The following WNT2 variants were observed in gnomAD, a reference collection of about 807,000 sequenced individuals.
WNT2 encodes the protein protein Wnt-2.
WNT2 carries 12 observed loss-of-function variants against 36.9 expected under a neutral mutation model. The ratio of observed to expected loss-of-function variants is 0.33; its 90% CI spans 0.21 to 0.53. The LOEUF (loss-of-function observed/expected upper bound fraction) is 0.53. WNT2 is among the 20% of genes least tolerant of loss of function. WNT2 has a pLI of 0.95. For synonymous variants in WNT2, 163 were observed against 174.6 expected, an observed-to-expected ratio of 0.93 and a Z score of 0.52; for missense variants, 379 against 473.1, an observed-to-expected ratio of 0.80 and a Z score of 1.84.
intron 4 of WNT2, among the ~76,000 whole-genome samples, chr7:117,296,165 A>T (rs1794786014): frequency 6.6e-6 from 1 of 152,190 alleles, no homozygotes; most frequent in African/African-American, 2.4e-5. Context: ...GTATCCAAGC[A>T]CAGGTTTCAT....
At chr7:117,309,749 A>T (rs759961624) in intron 3 of WNT2, among the ~76,000 whole-genome samples, 1 of 152,208 alleles carries the variant, frequency 6.6e-6, no homozygotes, top group Non-Finnish European at 1.5e-5. Context: ...AAGAACTCCT[A>T]AACTAAGAGC....
intron 4 of WNT2, among the ~76,000 whole-genome samples, chr7:117,288,261 AATTC>A (rs1262970592): frequency 2.0e-5 from 3 of 152,234 alleles, no homozygotes; most frequent in Non-Finnish European, 2.9e-5. Context: ...CTTAATAATT[AATTC>A]ATTCACTTAC....
Position 117,284,502 on chromosome 7 carries a change from G to C in WNT2, c.854-6118C>G, listed in dbSNP as rs1254746703. Among the ~76,000 whole-genome samples, 1 of 152,114 alleles carries C rather than the reference G, an allele frequency of 6.6e-6. No individual in the cohort carries two copies. The highest frequency in any genetic ancestry group is 1.5e-5 in the Non-Finnish European group (1 of 68,022). The stretch of plus-strand genomic sequence containing the variant: ...CTTGTTAACTGAGTCACTCACCCTT[G>C]CTTGGGCCACAACAGGAACCACTGG... On this transcript the variant is annotated intron_variant, in intron 4 of 4. Coordinates refer to ENST00000265441, the MANE Select transcript of WNT2 (RefSeq NM_003391.3). This position sits in a 1 kb window ranked among gnomAD's most constrained non-coding sequence, Gnocchi z 5.2.
At chr7:117,306,032 C>T (rs752742033) in intron 3 of WNT2, among the ~76,000 whole-genome samples, 64 of 152,212 alleles carry the variant, frequency 4.2e-4, no homozygotes, top group Non-Finnish European at 8.1e-4. Context: ...ATTCTCAGGG[C>T]TTCTTCCCTC....
intron 4 of WNT2, among the ~76,000 whole-genome samples, chr7:117,297,409 A>C (rs528006479): frequency 6.6e-6 from 1 of 152,062 alleles, no homozygotes; most frequent in Non-Finnish European, 1.5e-5. Flanking sequence ...AGCTCAAGCA[A>C]TCTGCCCATT....
At chr7:117,301,746 T>C (rs916356916) in intron 3 of WNT2, among the ~76,000 whole-genome samples, 1 of 152,162 alleles carries the variant, frequency 6.6e-6, no homozygotes, top group African/African-American at 2.4e-5. Flanking sequence ...CACATTGTGA[T>C]TTTGAATTAT....
At chr7:117,287,892 G>A (rs1212181137) in intron 4 of WNT2, among the ~76,000 whole-genome samples, 3 of 152,156 alleles carry the variant, frequency 2.0e-5, no homozygotes, top group African/African-American at 7.2e-5. Context: ...GGAGGCTGAG[G>A]CAGGAGAATC....
chr7:117,304,093 G>A (rs1237756785), intron 3 of WNT2, among the ~76,000 whole-genome samples: 1 of 152,150 alleles, frequency 6.6e-6, no homozygotes, highest in African/African-American at 2.4e-5. Context: ...CTCCTTTAAC[G>A]TGGACGCATT....
intron 3 of WNT2, among the ~76,000 whole-genome samples, chr7:117,311,025 A>G (rs1795111242): frequency 6.6e-6 from 1 of 152,184 alleles, no homozygotes; most frequent in Non-Finnish European, 1.5e-5. Flanking sequence ...CCTTTCCCAA[A>G]GTAATTCCTT....
chr7:117,304,328 G>A (rs531448755), intron 3 of WNT2, among the ~76,000 whole-genome samples: 46 of 152,030 alleles, frequency 3.0e-4, no homozygotes, highest in Admixed American at 1.7e-3. Flanking sequence ...CCCTATGAAA[G>A]CTCCCAGAAT....
intron 3 of WNT2, among the ~76,000 whole-genome samples, chr7:117,298,350 T>G (rs968854752): frequency 6.6e-6 from 1 of 152,116 alleles, no homozygotes; most frequent in Non-Finnish European, 1.5e-5. Context: ...TCAGGGTAAT[T>G]GTACTATAGC....
intron 4 of WNT2, among the ~76,000 whole-genome samples, chr7:117,289,011 G>A (rs10487362): frequency 0.12 from 17,743 of 149,838 alleles, 1,728 homozygotes; most frequent in East Asian, 0.43. Context: ...CCAGTTAAAA[G>A]CGATAGATAT....
At chr7:117,282,414 CAAG>C (rs776681300) in intron 4 of WNT2, among the ~76,000 whole-genome samples, 405 of 95,002 alleles carry the variant, frequency 4.3e-3, no homozygotes, top group Middle Eastern at 7.5e-3. Context: ...AGGAGGAAGA[CAAG>C]GAGGAGGAAG....
intron 2 of WNT2, among the ~76,000 whole-genome samples, chr7:117,315,871 C>T (rs557696074): frequency 1.5e-3 from 227 of 152,300 alleles, no homozygotes; most frequent in African/African-American, 5.1e-3. Flanking sequence ...ATACTGAATT[C>T]AAAGAAATCT....
Position 117,277,444 on chromosome 7 carries a change from T to C in WNT2, c.*711A>G, listed in dbSNP as rs1794400109. The C allele has an allele frequency of 6.6e-6, 1 of 152,244 alleles. No individual in the cohort carries two copies. The allele number at this position is 152,244 out of a possible 1,614,324, so 9.4% of individuals were successfully genotyped here. A position where few individuals can be genotyped will look rare whatever the true frequency, so the allele number is the denominator to read the frequency against. ...TCAAGGGGACAGTAATGCAAAGCAA[T>C]CCCTTTCTGAGGCTTTTGCTCTTAC... On this transcript the variant is annotated 3_prime_UTR_variant, in exon 5 of 5. Transcript: ENST00000265441.
chr7:117,301,562 C>T (rs1335936405), intron 3 of WNT2, among the ~76,000 whole-genome samples: 6 of 152,160 alleles, frequency 3.9e-5, no homozygotes, highest in Non-Finnish European at 5.9e-5. Context: ...CACATATTAT[C>T]TAATTATCAC....
Position 117,278,165 on chromosome 7 carries a change from G to T in WNT2, c.1073C>A (p.Thr358Asn). 1 of 1,614,234 alleles carries T rather than the reference G, an allele frequency of 6.2e-7. No homozygotes were observed. The highest frequency in any genetic ancestry group is 8.5e-7 in the Non-Finnish European group (1 of 1,180,032). ...TGACGCCTGCTGGGGTCATGTAGCG[G>T]TTGTCCAGTCAGCGTTCTTGGGGGC... is the stretch of plus-strand genomic sequence containing the variant. ...CKAPKNADWT[T>N]AT Residue 358 changes from threonine (T) to asparagine (N), a missense_variant, in exon 5 of 5, where the codon ACC (threonine) becomes AAC (asparagine). Coordinates refer to ENST00000265441, the MANE Select transcript of WNT2 (RefSeq NM_003391.3).
chr7:117,310,433 C>A (rs1280816071), intron 3 of WNT2, among the ~76,000 whole-genome samples: 1 of 151,662 alleles, frequency 6.6e-6, no homozygotes, highest in Admixed American at 6.6e-5. Flanking sequence ...AGAAACACCC[C>A]AAATTAGTCA....
At chr7:117,301,426 A>T (rs1794903600) in intron 3 of WNT2, among the ~76,000 whole-genome samples, 1 of 152,164 alleles carries the variant, frequency 6.6e-6, no homozygotes, top group Admixed American at 6.5e-5. Flanking sequence ...TGAGGGCAAG[A>T]AACTTACAAT....
Sources: gnomAD v4.1 joint callset for allele counts (sites outside exome capture counted in the v4.1 genomes callset) on GRCh38, gnomAD v4.1.1 for gene constraint, Gnocchi (gnomAD v3.1) non-coding constraint, MANE v1.5 for transcripts, NCBI Gene and HGNC (gene_info 2026-07-23, HGNC 2026-07-21) for gene names.